MERTK: variants seen among roughly 807,000 people sequenced by gnomAD.
The protein encoded by MERTK is tyrosine-protein kinase Mer.
A neutral mutation model predicts 99.3 loss-of-function variants in MERTK; 69 were observed. The ratio of observed to expected loss-of-function variants is 0.70; its 90% CI spans 0.57 to 0.85. MERTK has a LOEUF of 0.85. Among genes scored for constraint, MERTK ranks in the 40% least tolerant of loss-of-function variants. MERTK has a pLI of 0.00. For missense variants in MERTK, 1,125 were observed against 1,249.4 expected (o/e 0.90, Z 1.50); for synonymous variants, 426 against 467.6 (o/e 0.91, Z 1.15).
intron 3 of MERTK, among the ~76,000 whole-genome samples, chr2:111,946,078 T>C (rs1392790064): frequency 6.6e-6 from 1 of 151,788 alleles, no homozygotes; most frequent in African/African-American, 2.4e-5. Flanking sequence ...GGAGCACAGA[T>C]GGAAGGAGGA....
intron 5 of MERTK, among the ~76,000 whole-genome samples, chr2:111,967,497 C>T (rs1573607222): frequency 1.3e-5 from 2 of 152,256 alleles, no homozygotes; most frequent in African/African-American, 2.4e-5. Context: ...CTACCCTTCA[C>T]CCATCTGTTT....
rs1677531705 is a variant in MERTK at position 112,029,200 on chromosome 2, T to C, written c.*336T>C. 2 of 1,009,264 alleles carry C rather than the reference T, an allele frequency of 2.0e-6. No homozygotes were observed. Among genetic ancestry groups the C allele is most frequent in the South Asian group, 4.1e-5 (1 of 24,584 alleles). 62.5% of individuals were successfully genotyped at this position (1,009,264 alleles called of 1,614,324 possible). ...GAGTTGAAGTTGTTTTTTCAAGTTC[T>C]TTTCTTTTTCATGACTATTAAATGT... On this transcript the variant is annotated 3_prime_UTR_variant, in exon 19 of 19. Transcript: ENST00000295408.
At chr2:112,005,827 C>G (rs1471847514) in intron 13 of MERTK, among the ~76,000 whole-genome samples, 1 of 152,118 alleles carries the variant, frequency 6.6e-6, no homozygotes, top group Non-Finnish European at 1.5e-5. Flanking sequence ...GACATTAAAG[C>G]ATAAGTTAGA....
chr2:112,025,803 A>C (rs1259749060), intron 18 of MERTK, among the ~76,000 whole-genome samples: 2 of 152,224 alleles, frequency 1.3e-5, no homozygotes, highest in African/African-American at 4.8e-5. Flanking sequence ...TTGTGATAAA[A>C]TATACATAAC....
In MERTK at chr2:112,021,349, C is replaced by G; in HGVS notation, c.2190-73C>G. On this transcript the variant is annotated intron_variant, in intron 16 of 18. Transcript: ENST00000295408. ...GGTCAATTATCATAAGTGTTTTCAC[C>G]TGTGTCTGATACAGACCAGTAATTT... is the stretch of plus-strand genomic sequence containing the variant. 6 of 1,601,964 alleles carry G rather than the reference C, an allele frequency of 3.7e-6. 1 individual carries two copies. The highest frequency in any genetic ancestry group is 5.1e-6 in the Non-Finnish European group (6 of 1,176,304).
At chr2:111,970,216 G>A (rs573826710) in intron 6 of MERTK, among the ~76,000 whole-genome samples, 1 of 151,632 alleles carries the variant, frequency 6.6e-6, no homozygotes, top group South Asian at 2.1e-4. Flanking sequence ...GAGTGCAGTG[G>A]TGTGATCTCG....
intron 15 of MERTK, among the ~76,000 whole-genome samples, chr2:112,017,488 G>A (rs1677241872): frequency 6.6e-6 from 1 of 152,068 alleles, no homozygotes; most frequent in Non-Finnish European, 1.5e-5. Flanking sequence ...AAATTACCCG[G>A]GCGTGGTGGT....
intron 12 of MERTK, 36 bp from the exon 13 acceptor site, chr2:112,003,868 G>T: frequency 6.5e-7 from 1 of 1,532,938 alleles, no homozygotes; most frequent in Non-Finnish European, 9.0e-7. Flanking sequence ...GGAAGAGTTT[G>T]CACAGTGTCC....
intron 1 of MERTK, among the ~76,000 whole-genome samples, chr2:111,914,101 CTTTTTTTTTTTT>C (rs765850254): frequency 4.2e-5 from 4 of 94,442 alleles, no homozygotes; most frequent in East Asian, 2.8e-4. Flanking sequence ...TTCTTTCTTT[CTTTTTTTTTTTT>C]TTTTTTTTTT....
At chr2:111,933,436 A>G (rs1038167893) in intron 2 of MERTK, among the ~76,000 whole-genome samples, 1 of 152,224 alleles carries the variant, frequency 6.6e-6, no homozygotes, top group African/African-American at 2.4e-5. Flanking sequence ...TGTTTATTCA[A>G]GAGAATGTGC....
chr2:111,942,851 A>AC (rs1343165280), intron 2 of MERTK, among the ~76,000 whole-genome samples: 1 of 151,978 alleles, frequency 6.6e-6, no homozygotes, highest in Non-Finnish European at 1.5e-5. Context: ...AGTAGCTCTG[A>AC]CCCCCCGAGT....
chr2:111,946,341 C>A (rs1159531097), intron 3 of MERTK, among the ~76,000 whole-genome samples: 10 of 152,280 alleles, frequency 6.6e-5, no homozygotes, highest in Middle Eastern at 3.4e-3. Flanking sequence ...TTCAAAAAAA[C>A]CTTGAAACAG....
chr2:111,955,118 G>T (rs1250097670), intron 4 of MERTK, among the ~76,000 whole-genome samples: 1 of 152,006 alleles, frequency 6.6e-6, no homozygotes, highest in Non-Finnish European at 1.5e-5. Context: ...AGTAAACTTT[G>T]CCGACCCCTT....
In MERTK at chr2:111,944,940, T is replaced by G; in HGVS notation, c.483-20T>G. On this transcript the variant is annotated intron_variant, in intron 2 of 18. Transcript: ENST00000295408. ...CAAAGGGTAGTCACTGTAAATATCT[T>G]CATGTGTTTTTCTTTGCAGCATAAC... The G allele has an allele frequency of 6.3e-7, 1 of 1,599,904 alleles. No homozygotes were observed. Among genetic ancestry groups the G allele is most frequent in the South Asian group, 1.1e-5 (1 of 90,758 alleles).
intron 4 of MERTK, among the ~76,000 whole-genome samples, chr2:111,958,409 G>A (rs1365202448): frequency 6.6e-6 from 1 of 152,208 alleles, no homozygotes; most frequent in Non-Finnish European, 1.5e-5. Context: ...GGAAGCCAGT[G>A]CCATTAAGCC....
At chr2:111,936,503 C>G (rs1406210823) in intron 2 of MERTK, among the ~76,000 whole-genome samples, 1 of 152,196 alleles carries the variant, frequency 6.6e-6, no homozygotes, top group Non-Finnish European at 1.5e-5. Context: ...TGCTCCTAGC[C>G]TAGGTGCCCT....
chr2:111,929,281 A>G lies in MERTK; in HGVS notation c.223A>G (p.Thr75Ala). 2 of 1,614,222 alleles carry G rather than the reference A, an allele frequency of 1.2e-6. No homozygotes were observed. The highest frequency in any genetic ancestry group is 1.7e-6 in the Non-Finnish European group (2 of 1,180,044). The change falls in exon 2 of 19, where the codon ACA becomes GCA. Residue 75 changes from threonine (T) to alanine (A), a missense_variant. Thr to Ala is a moderately conservative substitution (Grantham distance 58). Coordinates refer to ENST00000295408, the MANE Select transcript of MERTK (RefSeq NM_006343.3). ...FSPTQPGRPH[T>A]GNVAIPQVTS... ...ACCAACCCAGCCTGGAAGACCACAT[A>G]CAGGAAACGTAGCCATTCCCCAGGT...
intron 18 of MERTK, chr2:112,028,073 T>C: frequency 2.1e-6 from 1 of 469,678 alleles, no homozygotes; most frequent in Non-Finnish European, 3.9e-6. Flanking sequence ...CGCCGCCATA[T>C]AAAGAAAGAG....
intron 13 of MERTK, 134 bp downstream of exon 13, chr2:112,004,118 G>C: frequency 1.3e-6 from 1 of 746,632 alleles, no homozygotes. Context: ...GTCACCAAGG[G>C]GGACTTACTT....
Sources: allele counts gnomAD v4.1 joint callset (sites outside exome capture counted in the v4.1 genomes callset), GRCh38; gene constraint gnomAD v4.1.1; transcripts MANE v1.5; gene names NCBI Gene and HGNC (gene_info 2026-07-23, HGNC 2026-07-21).